The following FRMD3 variants were observed in gnomAD, a reference collection of about 807,000 sequenced individuals.
FRMD3 encodes the protein FERM domain-containing protein 3.
Under a neutral mutation model 70.2 loss-of-function variants are expected in FRMD3, and 33 were observed. The ratio of observed to expected loss-of-function variants is 0.47; its 90% CI spans 0.36 to 0.63. The LOEUF (loss-of-function observed/expected upper bound fraction) is 0.63, where lower values mean the gene tolerates loss of function less well. FRMD3 is among the 20% of genes least tolerant of loss of function. The pLI, the probability that FRMD3 is intolerant of heterozygous loss-of-function variation, is 0.00. For missense variants in FRMD3, 632 were observed against 711.4 expected, an observed-to-expected ratio of 0.89 and a Z score of 1.27; for synonymous variants, 279 against 255.9, an observed-to-expected ratio of 1.09 and a Z score of -0.86.
the FRMD3 span, among the ~76,000 whole-genome samples, chr9:83,549,772 T>A: frequency 6.6e-6 from 1 of 152,208 alleles, no homozygotes; most frequent in African/African-American, 2.4e-5. Flanking sequence ...TCTGTTCATG[T>A]CTTTTGCCCA....
the FRMD3 span, among the ~76,000 whole-genome samples, chr9:83,585,239 C>T: frequency 3.3e-5 from 5 of 152,140 alleles, no homozygotes; most frequent in African/African-American, 1.2e-4. Flanking sequence ...AAATGGAGCC[C>T]ACTCAGCCAG....
At chr9:83,394,337 T>C (rs1259205845) in intron 1 of FRMD3, among the ~76,000 whole-genome samples, 2 of 152,176 alleles carry the variant, frequency 1.3e-5, no homozygotes, top group East Asian at 3.9e-4. Flanking sequence ...AGGATCTATT[T>C]CAAAAGAATT....
At chr9:83,349,056 GCT>G (rs1174836888) in intron 4 of FRMD3, among the ~76,000 whole-genome samples, 1 of 152,146 alleles carries the variant, frequency 6.6e-6, no homozygotes, top group Non-Finnish European at 1.5e-5. Flanking sequence ...GCACAGCAGC[GCT>G]CTCTCTCCCA....
the FRMD3 span, among the ~76,000 whole-genome samples, chr9:83,556,413 C>T: frequency 6.6e-6 from 1 of 152,196 alleles, no homozygotes; most frequent in Non-Finnish European, 1.5e-5. Context: ...TAGATCATCC[C>T]AATTCATCTG....
Position 83,331,982 on chromosome 9 carries a change from T to G in FRMD3, c.596+3534A>C, listed in dbSNP as rs928693035. On this transcript the variant is annotated intron_variant, in intron 6 of 13. Transcript: ENST00000304195. ...GAAGCATGACCTTCCAGGGCTCTTT[T>G]CCTTGTGGCTCAACATCTGGCAAAT... 3.8e-5 allele frequency: 26 copies of G among 686,626 alleles called. No homozygotes were observed. The Middle Eastern group carries it at 9.5e-4, about 25-fold the overall frequency. The allele number at this position is 686,626 out of a possible 1,614,324, so 42.5% of individuals were successfully genotyped here.
chr9:83,413,309 C>T (rs1392774675), intron 1 of FRMD3, among the ~76,000 whole-genome samples: 8 of 152,236 alleles, frequency 5.3e-5, no homozygotes, highest in African/African-American at 1.9e-4. Context: ...GAACCATCAG[C>T]TGTCTATTTT....
chr9:83,486,984 T>C (rs1828703275), intron 1 of FRMD3, among the ~76,000 whole-genome samples: 1 of 152,240 alleles, frequency 6.6e-6, no homozygotes, highest in Non-Finnish European at 1.5e-5. Flanking sequence ...ATGAATATTC[T>C]CCCATGAACT....
chr9:83,313,296 T>G (rs188285068), intron 7 of FRMD3, among the ~76,000 whole-genome samples: 6 of 152,338 alleles, frequency 3.9e-5, no homozygotes, highest in Admixed American at 3.9e-4. Context: ...ATCTTTCTTT[T>G]TTTTCCTTCC....
At chr9:83,572,330 T>C in the FRMD3 span, among the ~76,000 whole-genome samples, 247 of 152,244 alleles carry the variant, frequency 1.6e-3, 1 homozygote, top group Middle Eastern at 0.02. Context: ...GGTGAGAGGA[T>C]AGAATCAGTG....
At chr9:83,412,779 G>C (rs544551779) in intron 1 of FRMD3, among the ~76,000 whole-genome samples, 15 of 152,186 alleles carry the variant, frequency 9.9e-5, no homozygotes, top group Non-Finnish European at 1.6e-4. Context: ...TGGATAACCT[G>C]AGGTCAGGAG....
At chr9:83,401,237 A>G (rs1699597616) in intron 1 of FRMD3, among the ~76,000 whole-genome samples, 1 of 152,260 alleles carries the variant, frequency 6.6e-6, no homozygotes, top group African/African-American at 2.4e-5. Context: ...CATGGCAAGC[A>G]AATGGCAAAA....
intron 1 of FRMD3, among the ~76,000 whole-genome samples, chr9:83,450,615 C>T (rs1374115763): frequency 2.6e-5 from 4 of 152,074 alleles, no homozygotes; most frequent in Non-Finnish European, 5.9e-5. Context: ...AGAGTCCCCA[C>T]GTGGCAGCCT....
At chr9:83,480,885 G>T (rs1011183953) in intron 1 of FRMD3, among the ~76,000 whole-genome samples, 1 of 152,148 alleles carries the variant, frequency 6.6e-6, no homozygotes, top group African/African-American at 2.4e-5. Context: ...TATCTTCAGA[G>T]GTCCTGAAAC....
downstream of FRMD3, chr9:83,243,061 T>C: frequency 1.3e-6 from 1 of 776,414 alleles, no homozygotes; most frequent in East Asian, 2.7e-5. Context: ...GCAAGGTTCC[T>C]TTCTTCTTCT....
At chr9:83,328,835 G>T (rs922831377) in intron 6 of FRMD3, among the ~76,000 whole-genome samples, 1 of 152,140 alleles carries the variant, frequency 6.6e-6, no homozygotes, top group South Asian at 2.1e-4. Flanking sequence ...TGGATAGAAG[G>T]ATGGATAAAT....
At position 83,418,687 on chromosome 9, in the gene FRMD3, T is replaced by C. The variant is rs144692600; in HGVS notation, c.148-28979A>G. 6.1e-3 allele frequency among the ~76,000 whole-genome samples: 930 copies of C among 152,290 alleles called. 11 individuals are homozygous for C. The highest frequency in any genetic ancestry group is 0.021 in the African/African-American group (867 of 41,562). On this transcript the variant is annotated intron_variant, in intron 1 of 13. Transcript: ENST00000304195. The stretch of plus-strand genomic sequence containing the variant: ...CACTGTTACACTGCTGGTGGGAATG[T>C]AAACTAGTACAACCACTATGGAAAA...
chr9:83,350,725 A>C (rs1824128230), intron 3 of FRMD3: 1 of 980,890 alleles, frequency 1.0e-6, no homozygotes, highest in South Asian at 4.7e-5. Context: ...CTGAAGGGAA[A>C]ATCCTATGTA....
chr9:83,355,790 A>T (rs1824315994), intron 3 of FRMD3, among the ~76,000 whole-genome samples: 1 of 152,232 alleles, frequency 6.6e-6, no homozygotes, highest in Admixed American at 6.5e-5. Context: ...CAACAGCTGA[A>T]AAGCATTAAC....
chr9:83,515,323 T>A (rs186878864), intron 1 of FRMD3, among the ~76,000 whole-genome samples: 1 of 152,094 alleles, frequency 6.6e-6, no homozygotes, highest in South Asian at 2.1e-4. Flanking sequence ...TCGTGAAGCA[T>A]ACACGAGAAT....
Sources: allele counts gnomAD v4.1 joint callset (sites outside exome capture counted in the v4.1 genomes callset), GRCh38; gene constraint gnomAD v4.1.1; transcripts MANE v1.5; gene names NCBI Gene and HGNC (gene_info 2026-07-23, HGNC 2026-07-21).